AGAP1: variants seen among roughly 807,000 people sequenced by gnomAD.
AGAP1 encodes the protein ArfGAP with GTPase domain, ankyrin repeat and PH domain 1.
Under a neutral mutation model 105.3 loss-of-function variants are expected in AGAP1, and 29 were observed. That is an observed-to-expected ratio of 0.28 (90% CI 0.21 to 0.38). The LOEUF (loss-of-function observed/expected upper bound fraction) is 0.38, where lower values mean the gene tolerates loss of function less well. Among genes scored for constraint, AGAP1 ranks in the 10% least tolerant of loss-of-function variants. The pLI is 1.00. For synonymous variants in AGAP1, 509 were observed against 485.9 expected (o/e 1.05, Z -0.63); for missense variants, 998 against 1,165.1 (o/e 0.86, Z 2.09).
chr2:235,670,281 GCTCCC>G (rs1948316071), intron 1 of AGAP1: 3 of 444,690 alleles, frequency 6.7e-6, no homozygotes, highest in Non-Finnish European at 1.2e-5. Context: ...CGGCCCGCGC[GCTCCC>G]CGGACGCGCC....
chr2:235,717,165 G>A (rs1199838039), intron 2 of AGAP1, among the ~76,000 whole-genome samples: 1 of 152,066 alleles, frequency 6.6e-6, no homozygotes, highest in African/African-American at 2.4e-5. Flanking sequence ...CTCTCCCCAC[G>A]TCACTCACCT....
intron 13 of AGAP1, among the ~76,000 whole-genome samples, chr2:235,995,824 CCTTT>C (rs2055789049): frequency 6.6e-6 from 1 of 152,144 alleles, no homozygotes; most frequent in Non-Finnish European, 1.5e-5. Context: ...TGGTGGTATT[CCTTT>C]CTTTCTTGCC....
chr2:236,035,105 A>C lies in AGAP1; in HGVS notation c.1646-1456A>C, dbSNP rs1160749411. On this transcript the variant is annotated intron_variant, in intron 13 of 17. Coordinates refer to ENST00000304032, the MANE Select transcript of AGAP1 (RefSeq NM_001037131.3). The surrounding 1 kb of genome is among the most constrained non-coding windows in gnomAD (Gnocchi z 4.2). ...GTGAGGTCAGTAAGCCGTGCTTGGA[A>C]GCTGGGCTAGAGGGACCAAGAGTCT... Among the ~76,000 whole-genome samples, 3 of 152,190 alleles carry C rather than the reference A, an allele frequency of 2.0e-5. No homozygotes were observed. The highest frequency in any genetic ancestry group is 2.9e-5 in the Non-Finnish European group (2 of 68,020).
At chr2:235,802,584 G>A (rs919007738) in intron 8 of AGAP1, among the ~76,000 whole-genome samples, 3 of 152,198 alleles carry the variant, frequency 2.0e-5, no homozygotes, top group Admixed American at 1.3e-4. Context: ...TCTGGGCAGG[G>A]ATCCATATGT....
chr2:235,681,123 C>A (rs1949046434), intron 1 of AGAP1, among the ~76,000 whole-genome samples: 2 of 152,168 alleles, frequency 1.3e-5, no homozygotes, highest in Non-Finnish European at 2.9e-5. Context: ...GTTCTCCTGC[C>A]TCAGCCTCCT....
At chr2:235,873,691 G>C (rs1194694051) in intron 9 of AGAP1, among the ~76,000 whole-genome samples, 2 of 152,216 alleles carry the variant, frequency 1.3e-5, no homozygotes, top group Non-Finnish European at 2.9e-5. Context: ...CCGCTGTCCA[G>C]TCCATGTGGA....
At chr2:235,949,941 T>C (rs1426570231) in intron 12 of AGAP1, among the ~76,000 whole-genome samples, 15 of 152,158 alleles carry the variant, frequency 9.9e-5, no homozygotes, top group Admixed American at 9.8e-4. Flanking sequence ...AACTGGAATT[T>C]CGTGGAAGAA....
rs148817418 is a variant in AGAP1, at chr2:235,633,658, T to C, written c.164-75521T>C. ...GGGGAGACCTACAAGGCCTGTCTGT[T>C]CAGATTCCTCTTGGCCTCTGTGTAA... is the stretch of plus-strand genomic sequence containing the variant. On this transcript the variant is annotated intron_variant, in intron 1 of 17. Coordinates refer to ENST00000304032, the MANE Select transcript of AGAP1 (RefSeq NM_001037131.3). This position sits in a 1 kb window ranked among gnomAD's most constrained non-coding sequence, Gnocchi z 4.8. Among the ~76,000 whole-genome samples, 3 of 152,274 alleles carry C rather than the reference T, an allele frequency of 2.0e-5. No individual in the cohort carries two copies. Among genetic ancestry groups the C allele is most frequent in the Non-Finnish European group, 4.4e-5 (3 of 68,022 alleles).
rs766008004 is a variant in AGAP1, at chr2:236,113,671, C to G, written c.2115-6521C>G. 1.3e-4 allele frequency among the ~76,000 whole-genome samples: 20 copies of G among 152,130 alleles called. No homozygotes were observed. Among genetic ancestry groups the G allele is most frequent in the Admixed American group, 1.0e-3 (16 of 15,280 alleles). ...GATGGACACAGGGAAGCCACCTTGG[C>G]CAAGTCACCACCCCTCAAGGTCAGG... On this transcript the variant is annotated intron_variant, in intron 16 of 17. Transcript: ENST00000304032. The surrounding 1 kb of genome is among the most constrained non-coding windows in gnomAD (Gnocchi z 4.3).
chr2:235,706,890 G>A (rs957390543), intron 1 of AGAP1, among the ~76,000 whole-genome samples: 3 of 152,196 alleles, frequency 2.0e-5, no homozygotes, highest in Non-Finnish European at 2.9e-5. Flanking sequence ...TGCAAGAGTA[G>A]TCGATAACAG....
At chr2:235,997,573 A>G (rs2055874118) in intron 13 of AGAP1, among the ~76,000 whole-genome samples, 1 of 152,140 alleles carries the variant, frequency 6.6e-6, no homozygotes, top group Non-Finnish European at 1.5e-5. Flanking sequence ...ATCTACACTG[A>G]CTGTGTGGTA....
At chr2:235,841,489 C>T (rs1960835057) in intron 9 of AGAP1, among the ~76,000 whole-genome samples, 1 of 152,068 alleles carries the variant, frequency 6.6e-6, no homozygotes, top group South Asian at 2.1e-4. Flanking sequence ...ATTAGCCAGG[C>T]ATGGTGGTGT....
At chr2:235,881,343 G>T (rs1189491931) in intron 9 of AGAP1, among the ~76,000 whole-genome samples, 1 of 152,190 alleles carries the variant, frequency 6.6e-6, no homozygotes, top group Non-Finnish European at 1.5e-5. Flanking sequence ...AAGGTGACTC[G>T]TGGGGCATCT....
At chr2:235,850,301 A>G (rs1962040358) in intron 9 of AGAP1, among the ~76,000 whole-genome samples, 3 of 152,212 alleles carry the variant, frequency 2.0e-5, no homozygotes. Flanking sequence ...TGCAATGGAA[A>G]TCTCCATAGC....
chr2:235,974,823 A>G (rs918428153), intron 13 of AGAP1, among the ~76,000 whole-genome samples: 4 of 152,346 alleles, frequency 2.6e-5, no homozygotes, highest in East Asian at 1.9e-4. Context: ...ATATGAAGCA[A>G]CCACCACAGG....
intron 1 of AGAP1, among the ~76,000 whole-genome samples, chr2:235,627,708 G>A (rs1946688788): frequency 6.6e-6 from 1 of 152,032 alleles, no homozygotes; most frequent in African/African-American, 2.4e-5. Context: ...CTCGTCCCCG[G>A]CTCAGCCCTT....
In AGAP1 at chr2:235,988,166, C is replaced by G. The variant is rs2055402128; in HGVS notation, c.1645+19543C>G. Among the ~76,000 whole-genome samples the G allele has an allele frequency of 6.6e-6, 1 of 152,094 alleles. No homozygotes were observed. The highest frequency in any genetic ancestry group is 2.4e-5 in the African/African-American group (1 of 41,426). ...CAAGTGATTCTCCTGCTTCAGCCTC[C>G]CGAGTAGATGGGGTTAAAGGTGCCC... On this transcript the variant is annotated intron_variant, in intron 13 of 17. Coordinates refer to ENST00000304032, the MANE Select transcript of AGAP1 (RefSeq NM_001037131.3). The surrounding 1 kb of genome is among the most constrained non-coding windows in gnomAD (Gnocchi z 4.7).
intron 1 of AGAP1, among the ~76,000 whole-genome samples, chr2:235,686,651 ATATATATATATATATTTT>A (rs1949446760): frequency 2.6e-5 from 1 of 38,242 alleles, no homozygotes; most frequent in African/African-American, 1.7e-4. Flanking sequence ...ATATAGATAT[ATATATATATATATATTTT>A]TTTTTTTTTT....
rs1015881609 is a variant in AGAP1 at position 236,095,965 on chromosome 2, G to A, written c.2115-24227G>A. ...GAAATTCTTCCGTGATTCAGGGTTC[G>A]CCAACATGAGTTATTTCCCATTAAA... On this transcript the variant is annotated intron_variant, in intron 16 of 17. Coordinates refer to ENST00000304032, the MANE Select transcript of AGAP1 (RefSeq NM_001037131.3). The surrounding 1 kb of genome is among the most constrained non-coding windows in gnomAD (Gnocchi z 4.1). Among the ~76,000 whole-genome samples, 7 of 152,136 alleles carry A rather than the reference G, an allele frequency of 4.6e-5. No homozygotes were observed. The highest frequency in any genetic ancestry group is 1.2e-4 in the African/African-American group (5 of 41,422).
Sources: gnomAD v4.1 joint callset for allele counts (sites outside exome capture counted in the v4.1 genomes callset) on GRCh38, gnomAD v4.1.1 for gene constraint, Gnocchi (gnomAD v3.1) non-coding constraint, MANE v1.5 for transcripts, NCBI Gene and HGNC (gene_info 2026-07-23, HGNC 2026-07-21) for gene names.